Variants in ZNF395 observed in about 807,000 individuals in gnomAD.
ZNF395 encodes the protein HD gene regulatory region-binding protein 2.
Under a neutral mutation model 57.7 loss-of-function variants are expected in ZNF395, and 20 were observed. The observed-to-expected ratio is 0.35, with a 90% CI of 0.24 to 0.50. The LOEUF (loss-of-function observed/expected upper bound fraction) is 0.50. Among genes scored for constraint, ZNF395 ranks in the 20% least tolerant of loss-of-function variants. The pLI is 0.97. For synonymous variants in ZNF395, 295 were observed against 275.9 expected (o/e 1.07, Z -0.69); for missense variants, 606 against 671.2 (o/e 0.90, Z 1.07).
At position 28,353,199 on chromosome 8, in the gene ZNF395, C is replaced by T; in HGVS notation, c.793G>A (p.Asp265Asn). 3 of 1,613,830 alleles carry T rather than the reference C, an allele frequency of 1.9e-6. No homozygotes were observed. Among genetic ancestry groups the T allele is most frequent in the Non-Finnish European group, 2.5e-6 (3 of 1,180,022 alleles). Residue 265 changes from aspartate (D) to asparagine (N), a missense_variant, in exon 5 of 10, where the codon GAC becomes AAC. Transcript: ENST00000344423. Reference protein sequence around the residue: ...FETDPDPFLLDEPAPRKRKNS... With the variant: ...FETDPDPFLLNEPAPRKRKNS... ...TTTCTTTTTCGTGGAGCTGGTTCGT[C>T]CAGCAGGAAAGGGTCAGGATCGGTC...
At chr8:28,375,873 C>T (rs1051240068) in intron 1 of ZNF395, among the ~76,000 whole-genome samples, 5 of 152,136 alleles carry the variant, frequency 3.3e-5, no homozygotes, top group Admixed American at 6.6e-5. Flanking sequence ...TCAATTCCTC[C>T]GGCACTTTGA....
chr8:28,351,631 GCAGA>G lies in ZNF395; in HGVS notation c.1093_1096del (p.Ser365LeufsTer83). On this transcript the variant is annotated frameshift_variant, in exon 7 of 10. Transcript: ENST00000344423. LOFTEE classifies it high-confidence loss of function. Reference sequence around the variant, plus strand: ...GGCTTTGTGCAGAGGTGGTGGAAGAGCAGACAGAGGCAGGCCAGTCATGCTGGGG... The same window carrying G: ...GGCTTTGTGCAGAGGTGGTGGAAGAGCAGAGGCAGGCCAGTCATGCTGGGG... 1 of 1,613,564 alleles carries G rather than the reference GCAGA, an allele frequency of 6.2e-7. No homozygotes were observed. Among genetic ancestry groups the G allele is most frequent in the Non-Finnish European group, 8.5e-7 (1 of 1,179,992 alleles).
chr8:28,363,607 T>C (rs1328644374), intron 1 of ZNF395, among the ~76,000 whole-genome samples: 2 of 152,080 alleles, frequency 1.3e-5, no homozygotes, highest in South Asian at 2.1e-4. Flanking sequence ...AGAAAGAAAC[T>C]GCACCACTTT....
intron 1 of ZNF395, chr8:28,385,173 G>T (rs114562502): frequency 6.6e-6 from 1 of 152,264 alleles, no homozygotes; most frequent in Non-Finnish European, 1.5e-5. Flanking sequence ...TGGTAGCCTG[G>T]CATCATGGGA....
Position 28,371,005 on chromosome 8 carries a change from C to T in ZNF395, c.-58-9823G>A, listed in dbSNP as rs560126938. ...GTGCCAGTCAACTTGCTGAGCATTT[C>T]GCAGACTGTGTCTCATTTAATCCCC... On this transcript the variant is annotated intron_variant, in intron 1 of 9. Coordinates refer to ENST00000344423, the MANE Select transcript of ZNF395 (RefSeq NM_018660.3). Among the ~76,000 whole-genome samples the T allele has an allele frequency of 5.3e-5, 8 of 152,356 alleles. No homozygotes were observed. In the South Asian group the frequency reaches 8.3e-4, roughly 16 times the overall value.
intron 1 of ZNF395, among the ~76,000 whole-genome samples, chr8:28,373,092 C>G (rs1004479165): frequency 2.4e-4 from 37 of 152,330 alleles, no homozygotes; most frequent in East Asian, 1.9e-4. Context: ...AATGAATGCA[C>G]GAGTGGGGTT....
rs536317147 is a variant in ZNF395, at chr8:28,355,131, G to GAAAATA, written c.583+1533_583+1538dup. 2.3e-3 allele frequency among the ~76,000 whole-genome samples: 345 copies of GAAAATA among 152,212 alleles called. 2 individuals carry two copies. The highest frequency in any genetic ancestry group is 8.0e-3 in the African/African-American group (334 of 41,528). On this transcript the variant is annotated intron_variant, in intron 4 of 9. Coordinates refer to ENST00000344423, the MANE Select transcript of ZNF395 (RefSeq NM_018660.3). ...GCAATAAATACACTTTCTATACCAT[G>GAAAATA]AAAATAAAGTACTGCTCTACAAATG...
intron 1 of ZNF395, among the ~76,000 whole-genome samples, chr8:28,377,030 A>G (rs1338346498): frequency 6.6e-6 from 1 of 152,256 alleles, no homozygotes; most frequent in Non-Finnish European, 1.5e-5. Flanking sequence ...TGCAGAGCTA[A>G]GAAACTTTTG....
chr8:28,368,807 G>A (rs1358938489), intron 1 of ZNF395, among the ~76,000 whole-genome samples: 2 of 152,030 alleles, frequency 1.3e-5, no homozygotes, highest in South Asian at 2.1e-4. Flanking sequence ...GAAAGCAGAG[G>A]AACACAGGAA....
intron 6 of ZNF395, 57 bp from the exon 7 acceptor site, chr8:28,351,864 C>A: frequency 2.7e-6 from 4 of 1,494,652 alleles, no homozygotes; most frequent in Non-Finnish European, 3.6e-6. Context: ...TCAAACCCAG[C>A]GGGGACCGCG....
At position 28,352,810 on chromosome 8, in the gene ZNF395, A is replaced by C; in HGVS notation, c.820-137T>G. 1 of 686,376 alleles carries C rather than the reference A, an allele frequency of 1.5e-6. No individual in the cohort carries two copies. The highest frequency in any genetic ancestry group is 2.5e-6 in the Non-Finnish European group (1 of 406,600). 42.5% of individuals were successfully genotyped at this position (686,376 alleles called of 1,614,324 possible). ...ACCTCCAGGAAAGGGGTTCTCTGGG[A>C]CCAGAGAAACTTACAACCAGGGGCT... On this transcript the variant is annotated intron_variant, in intron 5 of 9. Coordinates refer to ENST00000344423, the MANE Select transcript of ZNF395 (RefSeq NM_018660.3). The surrounding 1 kb of genome is among the most constrained non-coding windows in gnomAD (Gnocchi z 4.0).
chr8:28,379,104 A>G (rs948839546), intron 1 of ZNF395, among the ~76,000 whole-genome samples: 2 of 152,220 alleles, frequency 1.3e-5, no homozygotes, highest in Non-Finnish European at 2.9e-5. Context: ...GTAAAAATGA[A>G]CGTCTCCTCC....
chr8:28,383,339 C>T (rs1195087592), intron 1 of ZNF395, among the ~76,000 whole-genome samples: 1 of 152,134 alleles, frequency 6.6e-6, no homozygotes, highest in African/African-American at 2.4e-5. Flanking sequence ...CACCAGCTCC[C>T]CTCTACTTGC....
At chr8:28,366,899 A>C (rs995142831) in intron 1 of ZNF395, among the ~76,000 whole-genome samples, 1 of 151,954 alleles carries the variant, frequency 6.6e-6, no homozygotes, top group African/African-American at 2.4e-5. Context: ...CCTGGCTTTC[A>C]ATAGAAAGCC....
Position 28,353,090 on chromosome 8 carries a change from T to C in ZNF395, c.819+83A>G, listed in dbSNP as rs926823646. 3 of 1,340,688 alleles carry C rather than the reference T, an allele frequency of 2.2e-6. No homozygotes were observed. The African/African-American group carries it at 4.3e-5, about 19-fold the overall frequency. 83.0% of individuals were successfully genotyped at this position (1,340,688 alleles called of 1,614,324 possible). The stretch of plus-strand genomic sequence containing the variant: ...CCAAGACTATCTAGGGCCTGCAGGG[T>C]CCCCTGCTCTCCACGGCTGGCTGTC... On this transcript the variant is annotated intron_variant, in intron 5 of 9. Transcript: ENST00000344423.
In ZNF395 at chr8:28,376,337, T is replaced by A. The variant is rs182287273; in HGVS notation, c.-59+10056A>T. Among the ~76,000 whole-genome samples, 156 of 151,802 alleles carry A rather than the reference T, an allele frequency of 1.0e-3. 2 individuals carry two copies. In the East Asian group the frequency reaches 0.016, roughly 15 times the overall value. ...ACTTCTTATCATATTTTGCTTTTTT[T>A]AAAAAAAGGCCGGGCTCACGCCTGT... On this transcript the variant is annotated intron_variant, in intron 1 of 9. Coordinates refer to ENST00000344423, the MANE Select transcript of ZNF395 (RefSeq NM_018660.3).
chr8:28,382,509 A>G (rs765210108), intron 1 of ZNF395, among the ~76,000 whole-genome samples: 1 of 151,988 alleles, frequency 6.6e-6, no homozygotes. Context: ...CATCTGCAGC[A>G]CCCTGAGACA....
At position 28,356,315 on chromosome 8, in the gene ZNF395, C is replaced by T. The variant is rs943244165; in HGVS notation, c.583+355G>A. On this transcript the variant is annotated intron_variant, in intron 4 of 9. Coordinates refer to ENST00000344423, the MANE Select transcript of ZNF395 (RefSeq NM_018660.3). This position sits in a 1 kb window ranked among gnomAD's most constrained non-coding sequence, Gnocchi z 4.0. Reference sequence around the variant, plus strand: ...CTGAGGCCACTAGGAGACCATTTAGCATATTGCTACTTTGTGAACTAAATA... The same window carrying T: ...CTGAGGCCACTAGGAGACCATTTAGTATATTGCTACTTTGTGAACTAAATA... Among the ~76,000 whole-genome samples, 1 of 152,200 alleles carries T rather than the reference C, an allele frequency of 6.6e-6. No homozygotes were observed. Among genetic ancestry groups the T allele is most frequent in the African/African-American group, 2.4e-5 (1 of 41,450 alleles).
chr8:28,380,995 T>A (rs1348089133), intron 1 of ZNF395, among the ~76,000 whole-genome samples: 1 of 145,414 alleles, frequency 6.9e-6, no homozygotes, highest in Non-Finnish European at 1.5e-5. Flanking sequence ...AGTACAGGCA[T>A]GCACCACCAC....
Sources: allele counts gnomAD v4.1 joint callset (sites outside exome capture counted in the v4.1 genomes callset), GRCh38; gene constraint gnomAD v4.1.1; non-coding constraint Gnocchi (gnomAD v3.1); transcripts MANE v1.5; gene names NCBI Gene and HGNC (gene_info 2026-07-23, HGNC 2026-07-21).